The following HTT variants were observed in gnomAD, a reference collection of about 807,000 sequenced individuals.
HTT encodes huntingtin.
A neutral mutation model predicts 362.3 loss-of-function variants in HTT; 104 were observed. The ratio of observed to expected loss-of-function variants is 0.29; its 90% CI spans 0.24 to 0.34. The LOEUF is 0.34. Ranked by LOEUF, HTT falls within the 10% of genes least tolerant of loss-of-function variation. The pLI is 1.00. For synonymous variants in HTT, 1,577 were observed against 1,548.7 expected, an observed-to-expected ratio of 1.02 and a Z score of -0.43; for missense variants, 3,301 against 3,928.6, an observed-to-expected ratio of 0.84 and a Z score of 4.27.
intron 21 of HTT, 110 bp from the exon 22 acceptor site, chr4:3,140,400 T>A: frequency 1.2e-6 from 1 of 843,518 alleles, no homozygotes; most frequent in Non-Finnish European, 1.9e-6. Context: ...AGAAGTGGTG[T>A]CCGCTGGTAA....
In HTT at chr4:3,219,590, G is replaced by A. The variant is rs1720581998; in HGVS notation, c.7243-592G>A. 1.3e-5 allele frequency among the ~76,000 whole-genome samples: 2 copies of A among 152,178 alleles called. 1 individual carries two copies. Among genetic ancestry groups the A allele is most frequent in the South Asian group, 4.1e-4 (2 of 4,820 alleles). ...CCCTCTGCCTTTGTGCAGATGGGCT[G>A]TGGGAATCCTGGGGTTCCGTTGGGT... is the stretch of plus-strand genomic sequence containing the variant. On this transcript the variant is annotated intron_variant, in intron 52 of 66. Coordinates refer to ENST00000355072, the MANE Select transcript of HTT (RefSeq NM_001388492.1).
At chr4:3,229,542 ACACACACATGCAC>A (rs1264563218) in intron 59 of HTT, among the ~76,000 whole-genome samples, 4 of 146,334 alleles carry the variant, frequency 2.7e-5, no homozygotes, top group Non-Finnish European at 4.5e-5. Context: ...CACACATGCC[ACACACACATGCAC>A]CACACACATG....
chr4:3,096,026 G>A (rs1336692399), intron 2 of HTT, among the ~76,000 whole-genome samples: 8 of 152,224 alleles, frequency 5.3e-5, no homozygotes, highest in African/African-American at 1.9e-4. Flanking sequence ...ACAGGTAACA[G>A]AACGGAAAGA....
At position 3,242,003 on chromosome 4, in the gene HTT, C is replaced by T. The variant is rs1037176601; in HGVS notation, c.*1944C>T. On this transcript the variant is annotated 3_prime_UTR_variant, in exon 67 of 67. Coordinates refer to ENST00000355072, the MANE Select transcript of HTT (RefSeq NM_001388492.1). ...CATCCTAGCTTTTTCCTGGAAAGCCCGCTAGAAGGTTTGGGAACGAGGGGA... is the reference window on the plus strand; with the variant it reads ...CATCCTAGCTTTTTCCTGGAAAGCCTGCTAGAAGGTTTGGGAACGAGGGGA... 2.0e-5 allele frequency: 3 copies of T among 152,008 alleles called. No individual in the cohort carries two copies. The highest frequency in any genetic ancestry group is 6.6e-5 in the Admixed American group (1 of 15,260). 9.4% of individuals were successfully genotyped at this position (152,008 alleles called of 1,614,324 possible). A position where few individuals can be genotyped will look rare whatever the true frequency, so the allele number is the denominator to read the frequency against.
intron 2 of HTT, among the ~76,000 whole-genome samples, chr4:3,092,184 G>A (rs56148664): frequency 1.3e-5 from 2 of 151,788 alleles, no homozygotes; most frequent in Non-Finnish European, 2.9e-5. Flanking sequence ...CACCGCACCC[G>A]GCTAATTTTT....
chr4:3,215,275 G>A, intron 51 of HTT, 64 bp downstream of exon 51: 1 of 1,258,122 alleles, frequency 7.9e-7, no homozygotes, highest in Non-Finnish European at 1.1e-6. Flanking sequence ...ATCATTCACA[G>A]AGACGTGCAC....
rs571159431 is a variant in HTT at position 3,093,819 on chromosome 4, A to G, written c.348-5455A>G. ...CTGGAAGAGGCACGGAGCAGTTCTC[A>G]TTTAGAGCCTACTCCAGAGGGAATG... On this transcript the variant is annotated intron_variant, in intron 2 of 66. Coordinates refer to ENST00000355072, the MANE Select transcript of HTT (RefSeq NM_001388492.1). 4.9e-5 allele frequency among the ~76,000 whole-genome samples: 7 copies of G among 142,788 alleles called. No homozygotes were observed. In the South Asian group the frequency reaches 8.7e-4, roughly 18 times the overall value. The allele number at this position is 142,788 out of a possible 152,430, so 93.7% of individuals were successfully genotyped here. A position where few individuals can be genotyped will look rare whatever the true frequency, so the allele number is the denominator to read the frequency against.
chr4:3,099,194 G>C, intron 2 of HTT, 80 bp from the exon 3 acceptor site: 1 of 907,072 alleles, frequency 1.1e-6, no homozygotes, highest in Non-Finnish European at 1.7e-6. Context: ...ATTCCATGCA[G>C]GACACCGGAT....
At chr4:3,159,763 C>A (rs530361012) in intron 28 of HTT, among the ~76,000 whole-genome samples, 9 of 152,334 alleles carry the variant, frequency 5.9e-5, no homozygotes, top group African/African-American at 2.2e-4. Flanking sequence ...CTGACCCATT[C>A]TCTGAGTCTG....
rs192205279 is a variant in HTT at position 3,219,609 on chromosome 4, G to T, written c.7243-573G>T. ...TGGGCTGTGGGAATCCTGGGGTTCC[G>T]TTGGGTCCTTTGTCACCTCACTGAA... On this transcript the variant is annotated intron_variant, in intron 52 of 66. Coordinates refer to ENST00000355072, the MANE Select transcript of HTT (RefSeq NM_001388492.1). 1.2e-3 allele frequency among the ~76,000 whole-genome samples: 188 copies of T among 152,290 alleles called. 2 individuals carry two copies. Among genetic ancestry groups the T allele is most frequent in the Middle Eastern group, 3.4e-3 (1 of 294 alleles).
chr4:3,207,850 A>G (rs1190019543), intron 45 of HTT, among the ~76,000 whole-genome samples: 28 of 152,116 alleles, frequency 1.8e-4, no homozygotes, highest in Admixed American at 1.8e-3. Context: ...AGCCTTTGTC[A>G]GAAATCCCTA....
rs963250968 is a variant in HTT, at chr4:3,103,827, T to C, written c.472T>C (p.Leu158=). Residue 158 remains leucine, a synonymous_variant, in exon 4 of 67, where the codon TTG becomes CTG. Coordinates refer to ENST00000355072, the MANE Select transcript of HTT (RefSeq NM_001388492.1). ...AATCTCTTGTGATTTGTTGTAGGCTTTGATGGATTCTAATCTTCCAAGGTT... is the reference window on the plus strand; with the variant it reads ...AATCTCTTGTGATTTGTTGTAGGCTCTGATGGATTCTAATCTTCCAAGGTT... ...DECLNKVIKA[L]MDSNLPRLQL... The C allele has an allele frequency of 6.3e-7, 1 of 1,593,382 alleles. No individual in the cohort carries two copies. The highest frequency in any genetic ancestry group is 8.6e-7 in the Non-Finnish European group (1 of 1,162,176).
At chr4:3,148,624 C>T (rs972477205) in intron 26 of HTT, among the ~76,000 whole-genome samples, 1 of 152,172 alleles carries the variant, frequency 6.6e-6, no homozygotes. Flanking sequence ...AGTGAAACCC[C>T]GTCTCTACTA....
In HTT at chr4:3,140,542, A is replaced by G. The variant is rs1319739148; in HGVS notation, c.2831A>G (p.Gln944Arg). The G allele has an allele frequency of 1.9e-6, 3 of 1,614,144 alleles. No individual in the cohort carries two copies. Among genetic ancestry groups the G allele is most frequent in the Admixed American group, 1.7e-5 (1 of 60,022 alleles). Residue 944 changes from glutamine (Q) to arginine (R), a missense_variant, in exon 22 of 67, where the codon CAA (glutamine) becomes CGA (arginine). Transcript: ENST00000355072. ...LVPKLFYKCD[Q>R]GQADPVVAVA... is the part of the protein sequence containing the mutation. ...CCAAAGCTGTTTTATAAATGTGACC[A>G]AGGACAAGCTGATCCAGTAGTGGCC...
intron 26 of HTT, among the ~76,000 whole-genome samples, chr4:3,152,804 G>A (rs1716963448): frequency 1.3e-5 from 2 of 150,178 alleles, no homozygotes; most frequent in African/African-American, 2.5e-5. Context: ...ATGTCACCAT[G>A]CCTGGCTAAT....
chr4:3,213,826 C>A, intron 49 of HTT, 132 bp from the exon 50 acceptor site: 2 of 691,952 alleles, frequency 2.9e-6, no homozygotes, highest in East Asian at 3.0e-5. Flanking sequence ...CAGAGCTGTC[C>A]TTCTGGAAGG....
chr4:3,101,411 C>T (rs1714148584), intron 3 of HTT, among the ~76,000 whole-genome samples: 1 of 152,192 alleles, frequency 6.6e-6, no homozygotes, highest in Non-Finnish European at 1.5e-5. Context: ...TCTCAGATTC[C>T]TGCTTCCTCA....
At position 3,228,464 on chromosome 4, in the gene HTT, C is replaced by T; in HGVS notation, c.7849-151C>T. 1 of 771,894 alleles carries T rather than the reference C, an allele frequency of 1.3e-6. No homozygotes were observed. Among genetic ancestry groups the T allele is most frequent in the Non-Finnish European group, 1.9e-6 (1 of 517,108 alleles). The allele number at this position is 771,894 out of a possible 1,614,324, so 47.8% of individuals were successfully genotyped here. On this transcript the variant is annotated intron_variant, in intron 57 of 66. Coordinates refer to ENST00000355072, the MANE Select transcript of HTT (RefSeq NM_001388492.1). The surrounding 1 kb of genome is among the most constrained non-coding windows in gnomAD (Gnocchi z 4.3). The stretch of plus-strand genomic sequence containing the variant: ...CCTGCCCCACCCTCTCTGTGGGCTC[C>T]CTTGCCCGTAACCTGGGGTGTCTGA...
At chr4:3,237,307 C>G (rs1303468416) in intron 64 of HTT, among the ~76,000 whole-genome samples, 1 of 152,190 alleles carries the variant, frequency 6.6e-6, no homozygotes, top group East Asian at 1.9e-4. Context: ...CTCCTGAACT[C>G]AAGTGATCCA....
Sources: gnomAD v4.1 joint callset for allele counts (sites outside exome capture counted in the v4.1 genomes callset) on GRCh38, gnomAD v4.1.1 for gene constraint, Gnocchi (gnomAD v3.1) non-coding constraint, MANE v1.5 for transcripts, NCBI Gene and HGNC (gene_info 2026-07-23, HGNC 2026-07-21) for gene names.